MCPH1: variants seen among roughly 807,000 people sequenced by gnomAD.
The protein encoded by MCPH1 is microcephalin 1, also known as microcephalin.
In MCPH1, 104 loss-of-function variants were observed where a neutral mutation model predicts 84.5. The observed-to-expected ratio is 1.23, with a 90% CI of 1.05 to 1.45. The LOEUF (loss-of-function observed/expected upper bound fraction) is 1.45. Ranked by LOEUF, MCPH1 falls within the 40% of genes most tolerant of loss-of-function variation. The pLI is 0.00. For missense variants in MCPH1, 1,498 were observed against 1,005.7 expected, an observed-to-expected ratio of 1.49 and a Z score of -6.62; for synonymous variants, 514 against 366.8, an observed-to-expected ratio of 1.40 and a Z score of -4.58.
chr8:6,519,926 A>T (rs760527678), intron 12 of MCPH1: 5 of 1,613,314 alleles, frequency 3.1e-6, no homozygotes, highest in Non-Finnish European at 4.2e-6. Context: ...GTGTGTCCTG[A>T]TTTGAATACT....
At chr8:6,489,385 G>C (rs1810313678) in intron 11 of MCPH1, among the ~76,000 whole-genome samples, 1 of 152,108 alleles carries the variant, frequency 6.6e-6, no homozygotes, top group African/African-American at 2.4e-5. Flanking sequence ...CATGGCATCA[G>C]TCAGAAGGGG....
At chr8:6,429,667 G>T (rs1281098585) in intron 3 of MCPH1, among the ~76,000 whole-genome samples, 1 of 151,982 alleles carries the variant, frequency 6.6e-6, no homozygotes. Flanking sequence ...CATGTGCTAA[G>T]TCCACCAGAT....
chr8:6,486,892 A>G (rs1035026269), intron 11 of MCPH1, among the ~76,000 whole-genome samples: 1 of 152,090 alleles, frequency 6.6e-6, no homozygotes, highest in Admixed American at 6.5e-5. Flanking sequence ...TCTTTATCCC[A>G]CTCTCACTTA....
intron 12 of MCPH1, among the ~76,000 whole-genome samples, chr8:6,519,656 A>G (rs1458307595): frequency 6.6e-6 from 1 of 152,228 alleles, no homozygotes; most frequent in Admixed American, 6.5e-5. Context: ...TACATCATTC[A>G]TATGCAGCTT....
At chr8:6,478,188 A>G (rs1195644637) in intron 10 of MCPH1, among the ~76,000 whole-genome samples, 1 of 152,240 alleles carries the variant, frequency 6.6e-6, no homozygotes, top group Non-Finnish European at 1.5e-5. Flanking sequence ...TTAAGGTTTT[A>G]AGACATCCAT....
At chr8:6,525,758 G>T (rs1818210599) in intron 12 of MCPH1, among the ~76,000 whole-genome samples, 1 of 151,910 alleles carries the variant, frequency 6.6e-6, no homozygotes. Context: ...AGCTGTTGAT[G>T]AAAAAAACCT....
chr8:6,541,904 A>T (rs1358791540), intron 12 of MCPH1, among the ~76,000 whole-genome samples: 4 of 151,190 alleles, frequency 2.6e-5, no homozygotes, highest in African/African-American at 9.7e-5. Flanking sequence ...GCTACTCAGG[A>T]GGCTAAGGTG....
chr8:6,600,220 G>A (rs1197965039), intron 12 of MCPH1, among the ~76,000 whole-genome samples: 2 of 152,240 alleles, frequency 1.3e-5, no homozygotes, highest in Non-Finnish European at 2.9e-5. Context: ...CAAGAGTGCG[G>A]TATTTTTAAG....
intron 2 of MCPH1, among the ~76,000 whole-genome samples, chr8:6,410,211 T>C (rs7012998): frequency 0.2 from 30,121 of 151,814 alleles, 3,304 homozygotes; most frequent in Middle Eastern, 0.33. Flanking sequence ...CCTGATCTCG[T>C]GATCCGCCCA....
At chr8:6,516,360 T>G (rs763192278) in intron 12 of MCPH1, among the ~76,000 whole-genome samples, 6 of 152,194 alleles carry the variant, frequency 3.9e-5, no homozygotes, top group Admixed American at 6.5e-5. Context: ...GAGAAAAGAT[T>G]TAGCAAAGTT....
At chr8:6,446,005 A>C in intron 8 of MCPH1, 1 of 979,984 alleles carries the variant, frequency 1.0e-6, no homozygotes, top group Non-Finnish European at 1.2e-6. Flanking sequence ...AAAGTGTGAA[A>C]AACTACTTTT....
At chr8:6,453,343 A>C (rs1163844407) in intron 8 of MCPH1, among the ~76,000 whole-genome samples, 1 of 151,922 alleles carries the variant, frequency 6.6e-6, no homozygotes, top group Non-Finnish European at 1.5e-5. Context: ...TACTTAGATC[A>C]TTTTTTGACT....
At chr8:6,497,517 A>C (rs1035491345) in intron 11 of MCPH1, among the ~76,000 whole-genome samples, 1 of 152,080 alleles carries the variant, frequency 6.6e-6, no homozygotes, top group Non-Finnish European at 1.5e-5. Flanking sequence ...TAGAAAAGGA[A>C]GTTGAAAACA....
intron 12 of MCPH1, among the ~76,000 whole-genome samples, chr8:6,597,924 T>C (rs1010109223): frequency 2.0e-5 from 3 of 152,184 alleles, no homozygotes; most frequent in Non-Finnish European, 4.4e-5. Context: ...AGAACCCTGC[T>C]TGTTGGTCTT....
intron 11 of MCPH1, among the ~76,000 whole-genome samples, chr8:6,490,522 G>A (rs1586079148): frequency 6.6e-6 from 1 of 152,008 alleles, no homozygotes; most frequent in South Asian, 2.1e-4. Flanking sequence ...TCGGTTTTAG[G>A]GACAATGTTA....
In MCPH1 at chr8:6,643,128, T is replaced by G; in HGVS notation, c.*79T>G. 2 of 1,253,620 alleles carry G rather than the reference T, an allele frequency of 1.6e-6. No homozygotes were observed. The highest frequency in any genetic ancestry group is 3.7e-4 in the Middle Eastern group (2 of 5,364). 77.7% of individuals were successfully genotyped at this position (1,253,620 alleles called of 1,614,324 possible). A position where few individuals can be genotyped will look rare whatever the true frequency, so the allele number is the denominator to read the frequency against. ...GATGTTCAAATGAGAAACAAAACTG[T>G]GAAGAGAAGGAACTGGCGTATACAA... On this transcript the variant is annotated 3_prime_UTR_variant, in exon 14 of 14. Transcript: ENST00000344683.
At chr8:6,585,956 C>T (rs554566817) in intron 12 of MCPH1, among the ~76,000 whole-genome samples, 99 of 152,268 alleles carry the variant, frequency 6.5e-4, no homozygotes, top group Middle Eastern at 3.4e-3. Context: ...CAAGTGAAGC[C>T]ATCCTTCTTT....
intron 2 of MCPH1, among the ~76,000 whole-genome samples, chr8:6,410,572 A>C (rs1798398811): frequency 6.6e-6 from 1 of 152,202 alleles, no homozygotes; most frequent in Non-Finnish European, 1.5e-5. Flanking sequence ...TATTTGACTT[A>C]ATAATGTCCT....
intron 12 of MCPH1, among the ~76,000 whole-genome samples, chr8:6,522,151 T>G (rs974321511): frequency 6.6e-6 from 1 of 151,592 alleles, no homozygotes; most frequent in East Asian, 2.0e-4. Context: ...GTCGGGAGAT[T>G]GAGAGTATCC....
Sources: allele counts gnomAD v4.1 joint callset (sites outside exome capture counted in the v4.1 genomes callset), GRCh38; gene constraint gnomAD v4.1.1; transcripts MANE v1.5; gene names NCBI Gene and HGNC (gene_info 2026-07-23, HGNC 2026-07-21).